Variants in LINS1 observed in about 807,000 individuals in gnomAD.
LINS1 encodes the protein lines homolog 1.
In LINS1, 27 loss-of-function variants were observed where a neutral mutation model predicts 41.6. That is an observed-to-expected ratio of 0.65 (90% CI 0.48 to 0.89). The LOEUF is 0.89. Among genes scored for constraint, LINS1 ranks in the 40% least tolerant of loss-of-function variants. The probability of loss-of-function intolerance (pLI) is 0.00; values close to 1 mark genes in which losing one functional copy is unlikely to be tolerated. For missense variants in LINS1, 955 were observed against 884.1 expected (o/e 1.08, Z -1.02); for synonymous variants, 336 against 312.9 (o/e 1.07, Z -0.78).
rs1399415902 is a variant in LINS1, at chr15:100,569,854, T to G, written c.1658A>C (p.Asp553Ala). ...GGGGACACAGCCACAAATACTTATGTCATATTTAGATTCAGTTGCATCAAA... is the reference window on the plus strand; with the variant it reads ...GGGGACACAGCCACAAATACTTATGGCATATTTAGATTCAGTTGCATCAAA... ...NNFDATESKY[D>A]ISICGCVPSL... The change falls in exon 7 of 7, where the codon GAC (aspartate) becomes GCC (alanine). Residue 553 changes from aspartate to alanine, a missense_variant. Transcript: ENST00000314742. 3 of 1,614,186 alleles carry G rather than the reference T, an allele frequency of 1.9e-6. No homozygotes were observed. The highest frequency in any genetic ancestry group is 2.5e-6 in the Non-Finnish European group (3 of 1,180,012).
chr15:100,600,550 G>GAAAAAAAAAAAAAAA (rs1567106000), intron 1 of LINS1, among the ~76,000 whole-genome samples: 1 of 3,156 alleles, frequency 3.2e-4, no homozygotes, highest in African/African-American at 1.5e-3. Context: ...CTGCTGTTAA[G>GAAAAAAAAAAAAAAA]CAAAAAAAAA....
chr15:100,587,166 A>AAAC (rs2038841571), intron 1 of LINS1, among the ~76,000 whole-genome samples: 1 of 147,888 alleles, frequency 6.8e-6, no homozygotes, highest in African/African-American at 2.5e-5. Context: ...TTAAAAAAAA[A>AAAC]AAAAAAAAAA....
intron 1 of LINS1, among the ~76,000 whole-genome samples, chr15:100,596,560 C>A (rs2039252691): frequency 6.6e-6 from 1 of 152,190 alleles, no homozygotes; most frequent in Non-Finnish European, 1.5e-5. Context: ...GATACAGGAG[C>A]TAGAAATTAT....
chr15:100,569,406 G>T lies in LINS1; in HGVS notation c.2106C>A (p.Val702=). The change falls in exon 7 of 7, where the codon GTC becomes GTA. Residue 702 remains valine (V), a synonymous_variant. Coordinates refer to ENST00000314742, the MANE Select transcript of LINS1 (RefSeq NM_001040616.3). ...TGTAAAATATTCCCACTTCAGAGAC[G>T]ACATCATTTGGGGCTACTTCACAAT... ...SFDCEVAPND[V]VSEVGIFYRI... 1 of 1,614,108 alleles carries T rather than the reference G, an allele frequency of 6.2e-7. No individual in the cohort carries two copies.
chr15:100,580,640 G>C lies in LINS1; in HGVS notation c.203C>G (p.Pro68Arg). The change falls in exon 2 of 7, where the codon CCC becomes CGC. Residue 68 changes from proline (P) to arginine (R), a missense_variant. Pro to Arg is a moderately radical substitution (Grantham distance 103). Transcript: ENST00000314742. ...CAAACACACAGGTGCTACAGCAATG[G>C]GAGCCACACCAACAGAGATGGGCTG... ...RHQPISVGVAPIAVAPVCLKT... is the reference protein window; with the variant it reads ...RHQPISVGVARIAVAPVCLKT... The C allele has an allele frequency of 6.2e-7, 1 of 1,613,924 alleles. No individual in the cohort carries two copies. Among genetic ancestry groups the C allele is most frequent in the Non-Finnish European group, 8.5e-7 (1 of 1,179,912 alleles).
Position 100,578,942 on chromosome 15 carries a change from G to A in LINS1, c.489+1321C>T, listed in dbSNP as rs555454771. 6.8e-3 allele frequency among the ~76,000 whole-genome samples: 1,034 copies of A among 151,990 alleles called. 9 individuals carry two copies. Among genetic ancestry groups the A allele is most frequent in the African/African-American group, 0.024 (979 of 41,424 alleles). The stretch of plus-strand genomic sequence containing the variant: ...TCACAAGAACAAAAAACCAAACACC[G>A]CATATTCTCACTCATAGGTGGGAAC... On this transcript the variant is annotated intron_variant, in intron 3 of 6. Coordinates refer to ENST00000314742, the MANE Select transcript of LINS1 (RefSeq NM_001040616.3).
At chr15:100,579,790 A>G (rs1385648668) in intron 3 of LINS1, among the ~76,000 whole-genome samples, 1 of 152,154 alleles carries the variant, frequency 6.6e-6, no homozygotes, top group Non-Finnish European at 1.5e-5. Context: ...CTTGTTCTCA[A>G]CTGGTGGTTC....
At position 100,568,687 on chromosome 15, in the gene LINS1, G is replaced by A. The variant is rs1467631247; in HGVS notation, c.*551C>T. 6.5e-6 allele frequency: 1 copy of A among 153,216 alleles called. No homozygotes were observed. The highest frequency in any genetic ancestry group is 1.5e-5 in the Non-Finnish European group (1 of 68,770). The allele number at this position is 153,216 out of a possible 1,614,324, so 9.5% of individuals were successfully genotyped here. ...AGTTGTTACGGCAGCCCTAGCTGAG[G>A]AACGCAATCACCACCCCCGATTTTG... is the stretch of plus-strand genomic sequence containing the variant. On this transcript the variant is annotated 3_prime_UTR_variant, in exon 7 of 7. Coordinates refer to ENST00000314742, the MANE Select transcript of LINS1 (RefSeq NM_001040616.3).
At chr15:100,590,493 C>T (rs1460464091) in intron 1 of LINS1, among the ~76,000 whole-genome samples, 1 of 152,164 alleles carries the variant, frequency 6.6e-6, no homozygotes, top group Non-Finnish European at 1.5e-5. Flanking sequence ...AGAAGGGCAT[C>T]ATTTGTTAGG....
At chr15:100,589,264 T>C (rs1596952356) in intron 1 of LINS1, among the ~76,000 whole-genome samples, 1 of 152,290 alleles carries the variant, frequency 6.6e-6, no homozygotes, top group Non-Finnish European at 1.5e-5. Flanking sequence ...ATTTAAAGGG[T>C]TAAACCACAG....
chr15:100,587,013 G>C (rs1473540546), intron 1 of LINS1, among the ~76,000 whole-genome samples: 3 of 151,956 alleles, frequency 2.0e-5, no homozygotes, highest in Admixed American at 2.0e-4. Context: ...ACAAAAATTA[G>C]CTGGGCATGG....
chr15:100,579,663 ATTTG>A (rs2038414809), intron 3 of LINS1, among the ~76,000 whole-genome samples: 1 of 149,618 alleles, frequency 6.7e-6, no homozygotes, highest in Non-Finnish European at 1.5e-5. Flanking sequence ...TAGATATTTC[ATTTG>A]TTTATTAACT....
At chr15:100,596,629 A>G (rs986218560) in intron 1 of LINS1, among the ~76,000 whole-genome samples, 1 of 152,242 alleles carries the variant, frequency 6.6e-6, no homozygotes, top group Non-Finnish European at 1.5e-5. Context: ...AATAAAAAGC[A>G]GCCCCCAAAT....
At chr15:100,588,942 G>C (rs1894417386) in intron 1 of LINS1, among the ~76,000 whole-genome samples, 1 of 152,236 alleles carries the variant, frequency 6.6e-6, no homozygotes, top group South Asian at 2.1e-4. Context: ...AAATGCCACT[G>C]TGACTCTTAA....
At chr15:100,601,928 A>AGGACC (rs558986281) in intron 1 of LINS1, among the ~76,000 whole-genome samples, 193 bp downstream of exon 1, 114 of 152,286 alleles carry the variant, frequency 7.5e-4, no homozygotes, top group African/African-American at 2.7e-3. Context: ...CGGGGTCTCA[A>AGGACC]GGACCGACAG....
rs773236486 is a variant in LINS1 at position 100,569,575 on chromosome 15, T to G, written c.1937A>C (p.Asn646Thr). The G allele has an allele frequency of 6.2e-7, 1 of 1,614,026 alleles. No homozygotes were observed. Among genetic ancestry groups the G allele is most frequent in the Non-Finnish European group, 8.5e-7 (1 of 1,179,854 alleles). Residue 646 changes from asparagine to threonine, a missense_variant, in exon 7 of 7, where the codon AAC becomes ACC. Transcript: ENST00000314742. ...CTGGTGTAAAGATGTCTGTTTACTG[T>G]TAGCTAAACACTGCTCTGTGGATTC... ...DVESTEQCLA[N>T]SKQTSLHQQA...
chr15:100,569,758 T>C lies in LINS1; in HGVS notation c.1754A>G (p.Asp585Gly), dbSNP rs769092319. 1.2e-6 allele frequency: 2 copies of C among 1,613,720 alleles called. No homozygotes were observed. The highest frequency in any genetic ancestry group is 1.7e-6 in the Non-Finnish European group (2 of 1,179,876). ...HRLTAPHSHRDVCARHSWASD... is the reference protein window; with the variant it reads ...HRLTAPHSHRGVCARHSWASD... ...AGCCCAGGAGTGCCGAGCACACACA[T>C]CTCTGTGACTATGAGGAGCAGTCAA... Residue 585 changes from aspartate to glycine, a missense_variant, in exon 7 of 7, where the codon GAT becomes GGT. By Grantham distance (94) the Asp-to-Gly change is moderately conservative (BLOSUM62 -1). Transcript: ENST00000314742.
At chr15:100,570,847 A>T (rs1354088589) in intron 6 of LINS1, among the ~76,000 whole-genome samples, 1 of 152,150 alleles carries the variant, frequency 6.6e-6, no homozygotes, top group East Asian at 1.9e-4. Flanking sequence ...AACAAATACA[A>T]CTACATCTGA....
At chr15:100,598,515 G>C (rs1338865105) in intron 1 of LINS1, among the ~76,000 whole-genome samples, 2 of 152,218 alleles carry the variant, frequency 1.3e-5, no homozygotes, top group Non-Finnish European at 2.9e-5. Flanking sequence ...GTACTTGACA[G>C]AAGCAACACA....
Sources: gnomAD v4.1 joint callset for allele counts (sites outside exome capture counted in the v4.1 genomes callset) on GRCh38, gnomAD v4.1.1 for gene constraint, MANE v1.5 for transcripts, NCBI Gene and HGNC (gene_info 2026-07-23, HGNC 2026-07-21) for gene names.